The following OSBPL3 variants were observed in gnomAD, a reference collection of about 807,000 sequenced individuals.
OSBPL3 encodes the protein oxysterol binding protein like 3, also known as oxysterol-binding protein-related protein 3.
In OSBPL3, 65 loss-of-function variants were observed where a neutral mutation model predicts 120.1. The ratio of observed to expected loss-of-function variants is 0.54; its 90% CI spans 0.44 to 0.67. The LOEUF (loss-of-function observed/expected upper bound fraction) is 0.67. Ranked by LOEUF, OSBPL3 falls within the 30% of genes least tolerant of loss-of-function variation. OSBPL3 has a pLI of 0.00. For synonymous variants in OSBPL3, 416 were observed against 402.6 expected, an observed-to-expected ratio of 1.03 and a Z score of -0.40; for missense variants, 1,004 against 1,082.1, an observed-to-expected ratio of 0.93 and a Z score of 1.01.
Position 24,937,388 on chromosome 7 carries a change from A to G in OSBPL3, c.-150+42498T>C, listed in dbSNP as rs148268874. On this transcript the variant is annotated intron_variant, in intron 1 of 22. Transcript: ENST00000313367. The surrounding 1 kb of genome is among the most constrained non-coding windows in gnomAD (Gnocchi z 4.0). The stretch of plus-strand genomic sequence containing the variant: ...TTTTTATTTCAATTGTTTAACTATT[A>G]TGAATGGGCTCATTCTGTATATAAT... Among the ~76,000 whole-genome samples the G allele has an allele frequency of 2.1e-3, 321 of 152,362 alleles. 1 individual carries two copies. Among genetic ancestry groups the G allele is most frequent in the Non-Finnish European group, 3.4e-3 (233 of 68,038 alleles).
intron 10 of OSBPL3, among the ~76,000 whole-genome samples, chr7:24,856,389 C>T (rs1584395335): frequency 6.6e-6 from 1 of 152,078 alleles, no homozygotes; most frequent in East Asian, 1.9e-4. Flanking sequence ...AGAGTCAATA[C>T]TCTCACTATC....
intron 2 of OSBPL3, among the ~76,000 whole-genome samples, chr7:24,875,850 CATA>C (rs1422464205): frequency 3.9e-5 from 6 of 151,902 alleles, no homozygotes; most frequent in Admixed American, 1.3e-4. Context: ...AAACACTGGT[CATA>C]ATAAGAGGAC....
rs1808905377 is a variant in OSBPL3 at position 24,912,104 on chromosome 7, T to G, written c.-149-19483A>C. Among the ~76,000 whole-genome samples, 1 of 152,244 alleles carries G rather than the reference T, an allele frequency of 6.6e-6. No individual in the cohort carries two copies. The highest frequency in any genetic ancestry group is 6.5e-5 in the Admixed American group (1 of 15,290). On this transcript the variant is annotated intron_variant, in intron 1 of 22. Coordinates refer to ENST00000313367, the MANE Select transcript of OSBPL3 (RefSeq NM_015550.4). This position sits in a 1 kb window ranked among gnomAD's most constrained non-coding sequence, Gnocchi z 4.5. ...ATTTGTTTATCAAATTGATAACCTG[T>G]GTTCCCTCCCCTTCACACTAGCTAC...
In OSBPL3 at chr7:24,804,537, A is replaced by G. The variant is rs543977115; in HGVS notation, c.2445-100T>C. The G allele has an allele frequency of 1.8e-5, 20 of 1,114,922 alleles. No individual in the cohort carries two copies. The African/African-American group carries it at 3.0e-4, about 17-fold the overall frequency. 69.1% of individuals were successfully genotyped at this position (1,114,922 alleles called of 1,614,324 possible). ...ATGTGTCCACGACTGGATATTCAAA[A>G]TCCTCTCCTATACGTAAGACCCCGC... On this transcript the variant is annotated intron_variant, in intron 21 of 22. Transcript: ENST00000313367. The surrounding 1 kb of genome is among the most constrained non-coding windows in gnomAD (Gnocchi z 5.4).
chr7:24,865,349 G>A lies in OSBPL3; in HGVS notation c.666C>T (p.Cys222=). 1 of 1,613,924 alleles carries A rather than the reference G, an allele frequency of 6.2e-7. No homozygotes were observed. Among genetic ancestry groups the A allele is most frequent in the Non-Finnish European group, 8.5e-7 (1 of 1,179,880 alleles). ...CGTTTCAAGTCACTCTACCTTTGGA[G>A]CATTTTTCCATGTCCTCTGAAGACT... ...WLQSSEDMEK[C]SKDLAHCHAY... is the part of the protein sequence containing the mutation. The change falls in exon 7 of 23, where the codon TGC becomes TGT. Residue 222 remains cysteine, a synonymous_variant. Coordinates refer to ENST00000313367, the MANE Select transcript of OSBPL3 (RefSeq NM_015550.4).
In OSBPL3 at chr7:24,806,450, A is replaced by C. The variant is rs750480100; in HGVS notation, c.2444+326T>G. 8.5e-5 allele frequency among the ~76,000 whole-genome samples: 13 copies of C among 152,210 alleles called. No homozygotes were observed. Among genetic ancestry groups the C allele is most frequent in the Non-Finnish European group, 1.6e-4 (11 of 68,038 alleles). On this transcript the variant is annotated intron_variant, in intron 21 of 22. Coordinates refer to ENST00000313367, the MANE Select transcript of OSBPL3 (RefSeq NM_015550.4). This position sits in a 1 kb window ranked among gnomAD's most constrained non-coding sequence, Gnocchi z 5.2. Reference sequence around the variant, plus strand: ...AGTGCACCAAAATCATTTAAATTTGAGGGCTCGGGGAGCTGGAGGTTTTAA... The same window carrying C: ...AGTGCACCAAAATCATTTAAATTTGCGGGCTCGGGGAGCTGGAGGTTTTAA...
At chr7:24,956,117 C>T (rs1356052525) in intron 1 of OSBPL3, among the ~76,000 whole-genome samples, 1 of 152,238 alleles carries the variant, frequency 6.6e-6, no homozygotes, top group Non-Finnish European at 1.5e-5. Flanking sequence ...TGAAAGTGAC[C>T]CACAGTCAAC....
chr7:24,838,471 G>A (rs1797287558), intron 14 of OSBPL3, among the ~76,000 whole-genome samples: 1 of 152,194 alleles, frequency 6.6e-6, no homozygotes. Context: ...ACTCCAGCCT[G>A]GGCGACAGAG....
Position 24,940,818 on chromosome 7 carries a change from C to CTTT in OSBPL3, c.-150+39065_-150+39067dup, listed in dbSNP as rs113229664. 4.4e-3 allele frequency among the ~76,000 whole-genome samples: 633 copies of CTTT among 145,020 alleles called. 7 individuals are homozygous for CTTT. The highest frequency in any genetic ancestry group is 0.013 in the African/African-American group (495 of 39,172). ...TTCTTAACATTTCTTCCTTTTTTTT[C>CTTT]TTTTTTTTTTTGTGTGTGTGTGACG... is the stretch of plus-strand genomic sequence containing the variant. On this transcript the variant is annotated intron_variant, in intron 1 of 22. Transcript: ENST00000313367. The surrounding 1 kb of genome is among the most constrained non-coding windows in gnomAD (Gnocchi z 4.4).
intron 2 of OSBPL3, among the ~76,000 whole-genome samples, chr7:24,876,179 A>G (rs1802814131): frequency 6.6e-6 from 1 of 152,196 alleles, no homozygotes; most frequent in African/African-American, 2.4e-5. Flanking sequence ...ATGCAATATA[A>G]AAATGAGGAT....
rs191769320 is a variant in OSBPL3 at position 24,887,988 on chromosome 7, A to C, written c.96+4389T>G. 2.1e-3 allele frequency among the ~76,000 whole-genome samples: 321 copies of C among 152,348 alleles called. 1 individual carries two copies. Among genetic ancestry groups the C allele is most frequent in the Non-Finnish European group, 3.4e-3 (230 of 68,036 alleles). On this transcript the variant is annotated intron_variant, in intron 2 of 22. Transcript: ENST00000313367. ...GATGTCAAATGTAGCCCAATTATTA[A>C]ACATTCTATTGTATTCGTCACAAAA...
chr7:24,951,662 A>G (rs1034190304), intron 1 of OSBPL3, among the ~76,000 whole-genome samples: 10 of 152,340 alleles, frequency 6.6e-5, no homozygotes, highest in Non-Finnish European at 1.5e-4. Flanking sequence ...TAAAGACGTA[A>G]GCTTTGAGCT....
chr7:24,914,270 C>T (rs888941541), intron 1 of OSBPL3, among the ~76,000 whole-genome samples: 2 of 151,744 alleles, frequency 1.3e-5, no homozygotes, highest in Non-Finnish European at 2.9e-5. Context: ...CATTGGACAG[C>T]AGAGCCAGTA....
At position 24,830,807 on chromosome 7, in the gene OSBPL3, A is replaced by G; in HGVS notation, c.1845T>C (p.Cys615=). 6.2e-7 allele frequency: 1 copy of G among 1,614,024 alleles called. No homozygotes were observed. Among genetic ancestry groups the G allele is most frequent in the Non-Finnish European group, 8.5e-7 (1 of 1,179,968 alleles). Residue 615 remains cysteine, a synonymous_variant, in exon 16 of 23, where the codon TGT becomes TGC. Transcript: ENST00000313367. This position sits in a 1 kb window ranked among gnomAD's most constrained non-coding sequence, Gnocchi z 4.4. ...FNPVLGETYE[C]IREDKGFQFF... ...ACTGGAAGCCCTTGTCCTCCCGAAT[A>G]CATTCATATGTTTCTCCAAGAACCG...
chr7:24,815,230 C>T lies in OSBPL3; in HGVS notation c.2028-27G>A. 2 of 1,600,020 alleles carry T rather than the reference C, an allele frequency of 1.2e-6. No homozygotes were observed. Among genetic ancestry groups the T allele is most frequent in the Non-Finnish European group, 1.7e-6 (2 of 1,170,858 alleles). ...TAAAAAGAAGGAAAAAGTAGAAGTA[C>T]CAATTTCTAGAAGAGCCAGCAGCAA... On this transcript the variant is annotated intron_variant, in intron 18 of 22. Transcript: ENST00000313367. This position sits in a 1 kb window ranked among gnomAD's most constrained non-coding sequence, Gnocchi z 5.1.
rs768260357 is a variant in OSBPL3, at chr7:24,867,854, C to T, written c.382-1617G>A. ...TTTTCTAACTTTTATTACTATCACACTCACAAACCTTTAGCCATCTCTCCA... is the reference window on the plus strand; with the variant it reads ...TTTTCTAACTTTTATTACTATCACATTCACAAACCTTTAGCCATCTCTCCA... On this transcript the variant is annotated intron_variant, in intron 5 of 22. Coordinates refer to ENST00000313367, the MANE Select transcript of OSBPL3 (RefSeq NM_015550.4). This position sits in a 1 kb window ranked among gnomAD's most constrained non-coding sequence, Gnocchi z 4.5. Among the ~76,000 whole-genome samples the T allele has an allele frequency of 3.9e-5, 6 of 152,218 alleles. No individual in the cohort carries two copies. The highest frequency in any genetic ancestry group is 6.5e-5 in the Admixed American group (1 of 15,288).
intron 5 of OSBPL3, among the ~76,000 whole-genome samples, chr7:24,869,945 A>G (rs1801874916): frequency 6.6e-6 from 1 of 152,242 alleles, no homozygotes; most frequent in Admixed American, 6.5e-5. Flanking sequence ...TACTTTCTCA[A>G]TTAATTTCTA....
In OSBPL3 at chr7:24,922,764, G is replaced by A. The variant is rs1449998912; in HGVS notation, c.-149-30143C>T. Among the ~76,000 whole-genome samples, 3 of 151,976 alleles carry A rather than the reference G, an allele frequency of 2.0e-5. No individual in the cohort carries two copies. The East Asian group carries it at 5.8e-4, about 29-fold the overall frequency. ...ACGTAATCCCCTAGTCCTGCTTCAG[G>A]CTTCAGGTCAAGGATCTCTGTCCAA... On this transcript the variant is annotated intron_variant, in intron 1 of 22. Coordinates refer to ENST00000313367, the MANE Select transcript of OSBPL3 (RefSeq NM_015550.4). The surrounding 1 kb of genome is among the most constrained non-coding windows in gnomAD (Gnocchi z 4.3).
At chr7:24,826,362 C>T (rs1795706612) in intron 16 of OSBPL3, among the ~76,000 whole-genome samples, 1 of 152,212 alleles carries the variant, frequency 6.6e-6, no homozygotes, top group South Asian at 2.1e-4. Flanking sequence ...GATCGGTCCT[C>T]TTTCACAAAG....
Sources: gnomAD v4.1 joint callset for allele counts (sites outside exome capture counted in the v4.1 genomes callset) on GRCh38, gnomAD v4.1.1 for gene constraint, Gnocchi (gnomAD v3.1) non-coding constraint, MANE v1.5 for transcripts, NCBI Gene and HGNC (gene_info 2026-07-23, HGNC 2026-07-21) for gene names.